The following VPS8 variants were observed in gnomAD, a reference collection of about 807,000 sequenced individuals.
The protein encoded by VPS8 is vacuolar protein sorting-associated protein 8 homolog.
Under a neutral mutation model 216.4 loss-of-function variants are expected in VPS8, and 129 were observed. The observed-to-expected ratio is 0.60, with a 90% CI of 0.52 to 0.69. The LOEUF (loss-of-function observed/expected upper bound fraction) is 0.69. Among genes scored for constraint, VPS8 ranks in the 30% least tolerant of loss-of-function variants. The probability of loss-of-function intolerance (pLI) is 0.00; values close to 1 mark genes in which losing one functional copy is unlikely to be tolerated. For synonymous variants in VPS8, 571 were observed against 565.4 expected (o/e 1.01, Z -0.14); for missense variants, 1,531 against 1,683.5 (o/e 0.91, Z 1.59).
chr3:184,835,385 A>G (rs1046755959), intron 5 of VPS8, among the ~76,000 whole-genome samples: 3 of 152,300 alleles, frequency 2.0e-5, no homozygotes, highest in Non-Finnish European at 4.4e-5. Flanking sequence ...AATGTGGTCA[A>G]TGTGTAAAAT....
intron 32 of VPS8, among the ~76,000 whole-genome samples, chr3:184,929,362 A>T (rs1380547462): frequency 3.3e-5 from 5 of 151,752 alleles, no homozygotes; most frequent in African/African-American, 1.2e-4. Context: ...CCTGGCTTTT[A>T]GTTTTTTTGT....
At chr3:184,987,322 C>A (rs574015803) in intron 42 of VPS8, among the ~76,000 whole-genome samples, 1 of 152,092 alleles carries the variant, frequency 6.6e-6, no homozygotes, top group Admixed American at 6.6e-5. Context: ...CCATGTTGAC[C>A]AGGCTGGTCT....
chr3:184,903,517 T>C (rs927899155), intron 25 of VPS8, among the ~76,000 whole-genome samples: 1 of 152,196 alleles, frequency 6.6e-6, no homozygotes, highest in Non-Finnish European at 1.5e-5. Flanking sequence ...AGTGGTGTGA[T>C]CACAGTTCAT....
At chr3:184,963,532 A>G (rs1016251601) in intron 37 of VPS8, among the ~76,000 whole-genome samples, 15 of 152,098 alleles carry the variant, frequency 9.9e-5, no homozygotes, top group African/African-American at 3.4e-4. Context: ...TGGAGCAACC[A>G]GGAAGAATTC....
intron 45 of VPS8, among the ~76,000 whole-genome samples, chr3:185,022,532 T>G (rs1756805398): frequency 6.6e-6 from 1 of 152,246 alleles, no homozygotes; most frequent in Non-Finnish European, 1.5e-5. Flanking sequence ...CTGTTTTTAA[T>G]GAATGTATCC....
At chr3:184,953,642 G>A (rs1378509264) in intron 36 of VPS8, among the ~76,000 whole-genome samples, 1 of 152,152 alleles carries the variant, frequency 6.6e-6, no homozygotes, top group Non-Finnish European at 1.5e-5. Context: ...ACAACTCAGG[G>A]ACATATGTTA....
intron 46 of VPS8, among the ~76,000 whole-genome samples, chr3:185,047,239 TTAG>T (rs1713128974): frequency 6.6e-6 from 1 of 152,226 alleles, no homozygotes; most frequent in Non-Finnish European, 1.5e-5. Context: ...TGCTCTCTAG[TTAG>T]TAGCGCTCAG....
intron 17 of VPS8, 116 bp downstream of exon 17, chr3:184,867,066 C>G (rs1333432129): frequency 2.3e-6 from 2 of 886,648 alleles, no homozygotes; most frequent in African/African-American, 3.4e-5. Flanking sequence ...CAGCAATTAT[C>G]CTAAACCCTT....
At chr3:184,968,257 AC>A (rs1747750883) in intron 39 of VPS8, among the ~76,000 whole-genome samples, 1 of 152,204 alleles carries the variant, frequency 6.6e-6, no homozygotes, top group African/African-American at 2.4e-5. Flanking sequence ...GTATGTATAG[AC>A]CACATTTCAT....
intron 28 of VPS8, among the ~76,000 whole-genome samples, chr3:184,915,820 AAAG>A (rs1454905426): frequency 6.6e-6 from 1 of 152,208 alleles, no homozygotes; most frequent in Non-Finnish European, 1.5e-5. Flanking sequence ...AAAAAAGAAA[AAAG>A]AAAAAGCAAT....
chr3:185,021,391 G>C (rs1331751651), intron 45 of VPS8, among the ~76,000 whole-genome samples: 3 of 152,136 alleles, frequency 2.0e-5, no homozygotes, highest in Non-Finnish European at 4.4e-5. Context: ...TTAATCTCTA[G>C]AGAACAGGCT....
intron 16 of VPS8, among the ~76,000 whole-genome samples, chr3:184,863,995 G>C (rs548740733): frequency 1.3e-5 from 2 of 152,194 alleles, no homozygotes; most frequent in African/African-American, 4.8e-5. Flanking sequence ...AATAATTACT[G>C]TTCCATACTT....
chr3:184,926,637 C>T lies in VPS8; in HGVS notation c.2618C>T (p.Ser873Phe). 1 of 1,605,508 alleles carries T rather than the reference C, an allele frequency of 6.2e-7. No individual in the cohort carries two copies. The highest frequency in any genetic ancestry group is 8.5e-7 in the Non-Finnish European group (1 of 1,175,826). The change falls in exon 31 of 48, where the codon TCT becomes TTT. Residue 873 changes from serine (S) to phenylalanine (F), a missense_variant. Around this residue, in one of 3 missense-constraint regions of VPS8, gnomAD observed 1,318 missense variants for 1,468.4 expected, o/e 0.90. Coordinates refer to ENST00000625842, the MANE Select transcript of VPS8 (RefSeq NM_001009921.3). ...LCSPDDDSRH[S>F]ERQQVLLELL... ...AGTCCTGACGATGACTCCCGACACT[C>T]TGAAAGACAGCAGGTATGAACTACT...
At chr3:185,038,830 C>T (rs1759252937) in intron 46 of VPS8, among the ~76,000 whole-genome samples, 1 of 152,174 alleles carries the variant, frequency 6.6e-6, no homozygotes, top group Non-Finnish European at 1.5e-5. Context: ...AAGCAGCCCC[C>T]TGGACTGCCT....
rs1317198409 is a variant in VPS8 at position 184,853,882 on chromosome 3, G to A, written c.847G>A (p.Glu283Lys). The change falls in exon 12 of 48, where the codon GAA becomes AAA. Residue 283 changes from glutamate to lysine, a missense_variant. Physicochemically the swap from Glu to Lys is moderately conservative, Grantham distance 56. Around this residue, in one of 3 missense-constraint regions of VPS8, gnomAD observed 1,318 missense variants for 1,468.4 expected, o/e 0.90. Transcript: ENST00000625842. The stretch of plus-strand genomic sequence containing the variant: ...GAGAGTGATGGGAGTGAGAACCTGT[G>A]AATCTAGATGTCTGTTCAGTGGTTC... ...FKRVMGVRTC[E>K]SRCLFSGSKG... The A allele has an allele frequency of 6.3e-6, 10 of 1,589,922 alleles. No homozygotes were observed. Among genetic ancestry groups the A allele is most frequent in the Non-Finnish European group, 8.6e-6 (10 of 1,167,282 alleles).
At chr3:185,001,283 CACAA>C (rs1753386461) in intron 45 of VPS8, among the ~76,000 whole-genome samples, 1 of 152,170 alleles carries the variant, frequency 6.6e-6, no homozygotes, top group Non-Finnish European at 1.5e-5. Context: ...AGATGCCAGT[CACAA>C]ACAAAGTACT....
chr3:184,849,173 T>A lies in VPS8; in HGVS notation c.644T>A (p.Leu215His). Residue 215 changes from leucine to histidine, a missense_variant, in exon 9 of 48, where the codon CTT (leucine) becomes CAT (histidine). By Grantham distance (99) the Leu-to-His change is moderately conservative. Around this residue, in one of 3 missense-constraint regions of VPS8, gnomAD observed 1,318 missense variants for 1,468.4 expected, o/e 0.90. Coordinates refer to ENST00000625842, the MANE Select transcript of VPS8 (RefSeq NM_001009921.3). Reference protein sequence around the residue: ...LSINNDCSRLLCGFAKGQITM... With the variant: ...LSINNDCSRLHCGFAKGQITM... The stretch of plus-strand genomic sequence containing the variant: ...ATCAACAATGATTGCTCAAGACTTC[T>A]TTGTGGCTTTGCTAAAGGACAGGTA... 1 of 1,613,494 alleles carries A rather than the reference T, an allele frequency of 6.2e-7. No homozygotes were observed. Among genetic ancestry groups the A allele is most frequent in the Non-Finnish European group, 8.5e-7 (1 of 1,179,506 alleles).
At chr3:184,986,585 A>C (rs1751117571) in intron 42 of VPS8, among the ~76,000 whole-genome samples, 1 of 152,192 alleles carries the variant, frequency 6.6e-6, no homozygotes, top group Non-Finnish European at 1.5e-5. Flanking sequence ...TGAAGGAGAC[A>C]GAGGTTCATT....
intron 36 of VPS8, among the ~76,000 whole-genome samples, chr3:184,951,965 A>C (rs1744777496): frequency 6.6e-6 from 1 of 152,202 alleles, no homozygotes; most frequent in Non-Finnish European, 1.5e-5. Context: ...CATATTCACA[A>C]CTTTGTTTCT....
Sources: allele counts gnomAD v4.1 joint callset (sites outside exome capture counted in the v4.1 genomes callset), GRCh38; gene constraint gnomAD v4.1.1; regional missense constraint gnomAD v4.1.1; transcripts MANE v1.5; gene names NCBI Gene and HGNC (gene_info 2026-07-23, HGNC 2026-07-21).